The following SLMAP variants were observed in gnomAD, a reference collection of about 807,000 sequenced individuals.
SLMAP encodes sarcolemmal membrane-associated protein.
Under a neutral mutation model 128.8 loss-of-function variants are expected in SLMAP, and 44 were observed. That is an observed-to-expected ratio of 0.34 (90% confidence interval 0.27 to 0.44). The LOEUF (loss-of-function observed/expected upper bound fraction) is 0.44, where lower values mean the gene tolerates loss of function less well. SLMAP is among the 20% of genes least tolerant of loss of function. The probability of loss-of-function intolerance (pLI) is 1.00; values close to 1 mark genes in which losing one functional copy is unlikely to be tolerated. For synonymous variants in SLMAP, 327 were observed against 348.8 expected (o/e 0.94, Z 0.70); for missense variants, 787 against 985.3 (o/e 0.80, Z 2.69).
At chr3:57,803,416 T>C (rs1353620221) in intron 2 of SLMAP, among the ~76,000 whole-genome samples, 2 of 152,190 alleles carry the variant, frequency 1.3e-5, no homozygotes, top group Admixed American at 1.3e-4. Flanking sequence ...ATTAACAAAA[T>C]CAAATTAGTG....
chr3:57,829,955 T>G (rs372744241), intron 2 of SLMAP, among the ~76,000 whole-genome samples: 30 of 152,334 alleles, frequency 2.0e-4, no homozygotes, highest in African/African-American at 7.2e-4. Context: ...GTTCCCCAGT[T>G]CTGTGACTTT....
chr3:57,781,326 G>A (rs1365439129), intron 2 of SLMAP, among the ~76,000 whole-genome samples: 3 of 152,112 alleles, frequency 2.0e-5, no homozygotes, highest in African/African-American at 7.2e-5. Flanking sequence ...ATATAAAATA[G>A]GTTATAAAAT....
chr3:57,842,295 A>G (rs1053101904), intron 4 of SLMAP, among the ~76,000 whole-genome samples: 2 of 152,144 alleles, frequency 1.3e-5, no homozygotes, highest in African/African-American at 4.8e-5. Flanking sequence ...ACTTTTCAAG[A>G]TATCTGAAGC....
chr3:57,789,990 C>T (rs769298005), intron 2 of SLMAP, among the ~76,000 whole-genome samples: 6 of 152,092 alleles, frequency 3.9e-5, no homozygotes, highest in Non-Finnish European at 8.8e-5. Context: ...GTGCCCGCCA[C>T]CACTCCCAAC....
At position 57,836,544 on chromosome 3, in the gene SLMAP, C is replaced by T. The variant is rs1335759496; in HGVS notation, c.347-4755C>T. 2.6e-5 allele frequency among the ~76,000 whole-genome samples: 4 copies of T among 152,030 alleles called. No individual in the cohort carries two copies. In the East Asian group the frequency reaches 5.8e-4, roughly 22 times the overall value. ...ATAGAGATGGGGCCTCACTGTGTTA[C>T]CCAGGCTGGTCTCGAACTCCTGGCC... On this transcript the variant is annotated intron_variant, in intron 3 of 24. Coordinates refer to ENST00000671191, the MANE Select transcript of SLMAP (RefSeq NM_001377540.1).
At chr3:57,835,084 T>G (rs530425802) in intron 3 of SLMAP, among the ~76,000 whole-genome samples, 1 of 124,438 alleles carries the variant, frequency 8.0e-6, no homozygotes, top group Admixed American at 1.1e-4. Context: ...ACCGCACCAC[T>G]GCACTCCAGC....
chr3:57,828,906 G>A lies in SLMAP; in HGVS notation c.199-2477G>A, dbSNP rs139342075. ...AGCCATCCTCCCAGCTCAACCTCCC[G>A]AGTAGTTGGGACTACAGGCCTGCAC... is the stretch of plus-strand genomic sequence containing the variant. On this transcript the variant is annotated intron_variant, in intron 2 of 24. Coordinates refer to ENST00000671191, the MANE Select transcript of SLMAP (RefSeq NM_001377540.1). Among the ~76,000 whole-genome samples, 483 of 151,978 alleles carry A rather than the reference G, an allele frequency of 3.2e-3. 1 individual carries two copies. The highest frequency in any genetic ancestry group is 0.011 in the African/African-American group (445 of 41,454).
chr3:57,783,228 G>T (rs1183748159), intron 2 of SLMAP, among the ~76,000 whole-genome samples: 2 of 152,130 alleles, frequency 1.3e-5, no homozygotes, highest in Admixed American at 1.3e-4. Context: ...AAGGGGAAAC[G>T]TGTATCAAAA....
chr3:57,889,946 T>C, intron 14 of SLMAP, 95 bp from the exon 15 acceptor site: 1 of 816,704 alleles, frequency 1.2e-6, no homozygotes, highest in South Asian at 1.4e-5. Context: ...AATGTTATCA[T>C]CTTTAAATTT....
intron 4 of SLMAP, among the ~76,000 whole-genome samples, chr3:57,846,554 ATTTT>A (rs1161889766): frequency 2.2e-5 from 3 of 136,002 alleles, no homozygotes; most frequent in Admixed American, 7.4e-5. Flanking sequence ...AAAATGGATA[ATTTT>A]TTTTTTTTTT....
chr3:57,916,227 C>A (rs1232775539), intron 21 of SLMAP, among the ~76,000 whole-genome samples: 1 of 151,872 alleles, frequency 6.6e-6, no homozygotes, highest in Non-Finnish European at 1.5e-5. Context: ...GAATTCAATC[C>A]TGTTATTTGG....
chr3:57,906,308 T>C (rs902916608), intron 17 of SLMAP, among the ~76,000 whole-genome samples: 1 of 97,676 alleles, frequency 1.0e-5, no homozygotes, highest in Non-Finnish European at 2.2e-5. Flanking sequence ...TTCTTTTTTT[T>C]TCTTTTTTTT....
intron 3 of SLMAP, 74 bp downstream of exon 3, chr3:57,831,604 T>C: frequency 9.7e-7 from 1 of 1,029,922 alleles, no homozygotes; most frequent in Admixed American, 3.0e-5. Flanking sequence ...TTACTTGACA[T>C]TATGAAACAT....
intron 14 of SLMAP, among the ~76,000 whole-genome samples, chr3:57,889,474 A>G (rs2096001508): frequency 6.6e-6 from 1 of 152,214 alleles, no homozygotes; most frequent in Admixed American, 6.5e-5. Context: ...CTTCAATGAA[A>G]CGTGGAATAT....
intron 14 of SLMAP, among the ~76,000 whole-genome samples, chr3:57,889,475 C>T (rs965796240): frequency 8.5e-5 from 13 of 152,086 alleles, no homozygotes; most frequent in East Asian, 3.9e-4. Flanking sequence ...TTCAATGAAA[C>T]GTGGAATATG....
intron 3 of SLMAP, among the ~76,000 whole-genome samples, chr3:57,839,883 T>G (rs951642128): frequency 3.3e-5 from 5 of 151,782 alleles, no homozygotes; most frequent in Non-Finnish European, 1.5e-5. Context: ...TAGAGGGGTT[T>G]TGCCATGTTG....
At chr3:57,788,937 C>A (rs1275623936) in intron 2 of SLMAP, among the ~76,000 whole-genome samples, 1 of 152,056 alleles carries the variant, frequency 6.6e-6, no homozygotes, top group African/African-American at 2.4e-5. Flanking sequence ...AAGTTATTTC[C>A]ATAAGAAAGG....
At chr3:57,771,651 A>G (rs1275702505) in intron 2 of SLMAP, among the ~76,000 whole-genome samples, 2 of 152,156 alleles carry the variant, frequency 1.3e-5, no homozygotes, top group Non-Finnish European at 2.9e-5. Flanking sequence ...TTGGCCTCCC[A>G]GACTGCTGGG....
At chr3:57,879,922 C>T (rs2095689481) in intron 14 of SLMAP, among the ~76,000 whole-genome samples, 1 of 150,530 alleles carries the variant, frequency 6.6e-6, no homozygotes, top group Non-Finnish European at 1.5e-5. Flanking sequence ...TGCACTCCAG[C>T]CAGGGAGACA....
Sources: allele counts gnomAD v4.1 joint callset (sites outside exome capture counted in the v4.1 genomes callset), GRCh38; gene constraint gnomAD v4.1.1; transcripts MANE v1.5; gene names NCBI Gene and HGNC (gene_info 2026-07-23, HGNC 2026-07-21).